TBC1D14: variants seen among roughly 807,000 people sequenced by gnomAD.
TBC1D14 encodes TBC1 domain family member 14, also known as TBC1 domain family, member 14.
Under a neutral mutation model 79.0 loss-of-function variants are expected in TBC1D14, and 26 were observed. That is an observed-to-expected ratio of 0.33 (90% CI 0.24 to 0.46). TBC1D14 has a LOEUF of 0.46. TBC1D14 is among the 20% of genes least tolerant of loss of function. The pLI is 1.00. For synonymous variants in TBC1D14, 394 were observed against 349.9 expected, an observed-to-expected ratio of 1.13 and a Z score of -1.40; for missense variants, 769 against 887.6, an observed-to-expected ratio of 0.87 and a Z score of 1.70.
In TBC1D14 at chr4:7,001,128, C is replaced by G; in HGVS notation, c.1164-17C>G. The G allele has an allele frequency of 6.2e-7, 1 of 1,609,934 alleles. No homozygotes were observed. ...TGTGTGGAACAAACTCAAACTCCTGCTTCTGTTTTTGTCCAGGTGGTGCTC... is the reference window on the plus strand; with the variant it reads ...TGTGTGGAACAAACTCAAACTCCTGGTTCTGTTTTTGTCCAGGTGGTGCTC... On this transcript the variant is annotated splice_polypyrimidine_tract_variant and intron_variant, in intron 6 of 13. Coordinates refer to ENST00000409757, the MANE Select transcript of TBC1D14 (RefSeq NM_020773.3).
At chr4:6,926,111 G>A (rs1054435399) in intron 2 of TBC1D14, among the ~76,000 whole-genome samples, 1 of 152,158 alleles carries the variant, frequency 6.6e-6, no homozygotes, top group Non-Finnish European at 1.5e-5. Context: ...AGCGTGGCCC[G>A]TGTGCCCATT....
At chr4:6,994,121 C>T in intron 3 of TBC1D14, 63 bp from the exon 4 acceptor site, 1 of 1,388,298 alleles carries the variant, frequency 7.2e-7, no homozygotes, top group Non-Finnish European at 1.0e-6. Context: ...AACTTTCTTA[C>T]TTTCCGAAGG....
intron 2 of TBC1D14, among the ~76,000 whole-genome samples, chr4:6,927,181 C>A (rs1724357591): frequency 1.3e-5 from 2 of 152,184 alleles, no homozygotes; most frequent in Admixed American, 1.3e-4. Context: ...GTCCCAGACT[C>A]CAGCCTGAGC....
At chr4:6,919,722 G>C (rs1237104686) in intron 1 of TBC1D14, among the ~76,000 whole-genome samples, 1 of 152,108 alleles carries the variant, frequency 6.6e-6, no homozygotes, top group African/African-American at 2.4e-5. Flanking sequence ...CTGGGTTCAA[G>C]CGATTCTCCT....
intron 2 of TBC1D14, 58 bp downstream of exon 2, chr4:6,924,169 T>A (rs1463455643): frequency 6.5e-7 from 1 of 1,531,592 alleles, no homozygotes; most frequent in African/African-American, 1.4e-5. Flanking sequence ...CCAGTCTCCT[T>A]GTTCCTGTCT....
In TBC1D14 at chr4:6,912,057, C is replaced by T. The variant is rs568605761; in HGVS notation, c.-18+2106C>T. Among the ~76,000 whole-genome samples the T allele has an allele frequency of 5.3e-5, 8 of 152,216 alleles. No homozygotes were observed. The South Asian group carries it at 8.3e-4, about 16-fold the overall frequency. On this transcript the variant is annotated intron_variant, in intron 1 of 13. Coordinates refer to ENST00000409757, the MANE Select transcript of TBC1D14 (RefSeq NM_020773.3). The stretch of plus-strand genomic sequence containing the variant: ...GAGTAGCTGCAGTTACAGGAACGCA[C>T]CACCATGGCCAGCTTAACATTTGTT...
intron 3 of TBC1D14, among the ~76,000 whole-genome samples, chr4:6,982,555 A>G (rs1353931726): frequency 3.9e-5 from 6 of 152,248 alleles, no homozygotes; most frequent in Admixed American, 3.3e-4. Flanking sequence ...TCATAGGACT[A>G]TATACACTAA....
In TBC1D14 at chr4:6,988,885, C is replaced by CTTTTTTTTTT. The variant is rs34268749; in HGVS notation, c.844-5285_844-5276dup. Among the ~76,000 whole-genome samples, 156 of 76,812 alleles carry CTTTTTTTTTT rather than the reference C, an allele frequency of 2.0e-3. 1 individual carries two copies. The highest frequency in any genetic ancestry group is 2.4e-3 in the East Asian group (6 of 2,530). 50.4% of individuals were successfully genotyped at this position (76,812 alleles called of 152,430 possible). ...TTCTTTTTTCTTTCTTTCTTTCTTT[C>CTTTTTTTTTT]TTTTTTTTTTTTTTTTTTTTTTTGA... On this transcript the variant is annotated intron_variant, in intron 3 of 13. Transcript: ENST00000409757.
intron 2 of TBC1D14, among the ~76,000 whole-genome samples, chr4:6,951,688 C>T (rs1361527738): frequency 3.3e-5 from 5 of 151,722 alleles, no homozygotes; most frequent in African/African-American, 1.2e-4. Flanking sequence ...AATAATTTGT[C>T]GAATGATCTA....
At chr4:7,017,938 A>G (rs1721440874) in intron 12 of TBC1D14, among the ~76,000 whole-genome samples, 1 of 152,194 alleles carries the variant, frequency 6.6e-6, no homozygotes, top group African/African-American at 2.4e-5. Flanking sequence ...CAGGTTGGGC[A>G]GTAGGGAGGA....
intron 3 of TBC1D14, among the ~76,000 whole-genome samples, chr4:6,992,226 G>C (rs1718571231): frequency 6.6e-6 from 1 of 152,240 alleles, no homozygotes; most frequent in Non-Finnish European, 1.5e-5. Context: ...ACAGCTGGTG[G>C]TTGGTGGATC....
chr4:6,927,295 T>G (rs4689561), intron 2 of TBC1D14, among the ~76,000 whole-genome samples: 1 of 151,792 alleles, frequency 6.6e-6, no homozygotes, highest in African/African-American at 2.4e-5. Flanking sequence ...TTACTGTGGG[T>G]GGGGAGGGGG....
At chr4:6,963,723 C>T (rs555580124) in intron 2 of TBC1D14, among the ~76,000 whole-genome samples, 3 of 152,360 alleles carry the variant, frequency 2.0e-5, no homozygotes, top group African/African-American at 7.2e-5. Flanking sequence ...AATATATCAA[C>T]ATGCTTTTTA....
At chr4:6,999,628 C>T (rs1719451797) in intron 6 of TBC1D14, among the ~76,000 whole-genome samples, 1 of 152,122 alleles carries the variant, frequency 6.6e-6, no homozygotes, top group African/African-American at 2.4e-5. Flanking sequence ...ATAGGTGTTG[C>T]TCCTTTTAAA....
At chr4:6,934,229 G>A (rs1386533927) in intron 2 of TBC1D14, among the ~76,000 whole-genome samples, 1 of 151,922 alleles carries the variant, frequency 6.6e-6, no homozygotes, top group Non-Finnish European at 1.5e-5. Context: ...AGGCCTGCCG[G>A]CACCAGGAGA....
intron 9 of TBC1D14, among the ~76,000 whole-genome samples, chr4:7,008,198 A>T (rs548965057): frequency 1.3e-5 from 2 of 152,180 alleles, no homozygotes; most frequent in Non-Finnish European, 2.9e-5. Context: ...ATATCCTACC[A>T]GGTGGTGGCA....
intron 9 of TBC1D14, chr4:7,007,527 C>G: frequency 7.8e-7 from 1 of 1,289,296 alleles, no homozygotes; most frequent in Non-Finnish European, 1.0e-6. Context: ...TACTCAGGTT[C>G]TCATCTTTGT....
chr4:6,994,157 G>C, intron 3 of TBC1D14, 27 bp from the exon 4 acceptor site: 1 of 1,572,886 alleles, frequency 6.4e-7, no homozygotes, highest in Non-Finnish European at 8.8e-7. Context: ...AAAGGACCTG[G>C]AGTCATCCCT....
intron 9 of TBC1D14, chr4:7,007,629 C>G: frequency 7.8e-7 from 1 of 1,286,814 alleles, no homozygotes; most frequent in African/African-American, 1.5e-5. Flanking sequence ...GTGTCTGGTG[C>G]GTGAGCCCAG....
Sources: gnomAD v4.1 joint callset for allele counts (sites outside exome capture counted in the v4.1 genomes callset) on GRCh38, gnomAD v4.1.1 for gene constraint, MANE v1.5 for transcripts, NCBI Gene and HGNC (gene_info 2026-07-23, HGNC 2026-07-21) for gene names.